SGCD: variants seen among roughly 807,000 people sequenced by gnomAD.
The protein encoded by SGCD is delta-sarcoglycan.
A neutral mutation model predicts 36.6 loss-of-function variants in SGCD; 18 were observed. The observed-to-expected ratio is 0.49, with a 90% CI of 0.34 to 0.73. The LOEUF (loss-of-function observed/expected upper bound fraction) is 0.73, where lower values mean the gene tolerates loss of function less well. SGCD is among the 30% of genes least tolerant of loss of function. SGCD has a pLI of 0.01. For synonymous variants in SGCD, 133 were observed against 130.6 expected, an observed-to-expected ratio of 1.02 and a Z score of -0.12; for missense variants, 387 against 346.7, an observed-to-expected ratio of 1.12 and a Z score of -0.92.
chr5:156,523,852 A>T (rs1757514628), intron 4 of SGCD, among the ~76,000 whole-genome samples: 1 of 151,642 alleles, frequency 6.6e-6, no homozygotes, highest in South Asian at 2.1e-4. Flanking sequence ...AGTACCTTGC[A>T]GGTGCAGTAC....
intron 4 of SGCD, among the ~76,000 whole-genome samples, chr5:156,584,616 G>T (rs1377134832): frequency 1.3e-5 from 2 of 151,738 alleles, no homozygotes; most frequent in Non-Finnish European, 2.9e-5. Context: ...GAGTAATAAT[G>T]TGTGCTCCTG....
intron 3 of SGCD, among the ~76,000 whole-genome samples, chr5:156,297,656 G>T (rs1766931010): frequency 1.7e-5 from 2 of 114,624 alleles, no homozygotes; most frequent in Admixed American, 9.9e-5. Context: ...GGGGAGGGGG[G>T]CGGGATAGCA....
intron 1 of SGCD, among the ~76,000 whole-genome samples, chr5:156,108,018 C>T (rs868327289): frequency 7.9e-5 from 12 of 151,970 alleles, no homozygotes; most frequent in African/African-American, 2.7e-4. Flanking sequence ...ATAATATGGG[C>T]ACCATTTGGA....
rs1757497730 is a variant in SGCD, at chr5:156,761,413, A to T, written c.*2023A>T. 1 of 152,198 alleles carries T rather than the reference A, an allele frequency of 6.6e-6. No individual in the cohort carries two copies. The highest frequency in any genetic ancestry group is 1.5e-5 in the Non-Finnish European group (1 of 68,040). The allele number at this position is 152,198 out of a possible 1,614,324, so 9.4% of individuals were successfully genotyped here. ...TGGTTGGTTTGTAGCACTAAGGTCT[A>T]AAAAGGAAAACCATAAAAGACATCA... is the stretch of plus-strand genomic sequence containing the variant. On this transcript the variant is annotated 3_prime_UTR_variant, in exon 9 of 9. Transcript: ENST00000337851.
intron 1 of SGCD, among the ~76,000 whole-genome samples, chr5:156,087,698 T>C (rs539439717): frequency 3.3e-5 from 5 of 151,092 alleles, no homozygotes; most frequent in Middle Eastern, 7.0e-3. Flanking sequence ...GCTTTATGCA[T>C]GTGGTACATT....
At chr5:156,372,561 T>A (rs1004223015) in intron 3 of SGCD, among the ~76,000 whole-genome samples, 1 of 152,212 alleles carries the variant, frequency 6.6e-6, no homozygotes, top group Non-Finnish European at 1.5e-5. Context: ...TAATCACACT[T>A]AACATTTACT....
rs139532963 is a variant in SGCD at position 156,496,964 on chromosome 5, C to G, written c.193-11637C>G. Among the ~76,000 whole-genome samples, 3 of 152,246 alleles carry G rather than the reference C, an allele frequency of 2.0e-5. No homozygotes were observed. The East Asian group carries it at 5.8e-4, about 29-fold the overall frequency. ...TATATCCCAACTTCTTTTGACTGAGCAGCATGGATTGTCTGATTTAATCCT... is the reference window on the plus strand; with the variant it reads ...TATATCCCAACTTCTTTTGACTGAGGAGCATGGATTGTCTGATTTAATCCT... On this transcript the variant is annotated intron_variant, in intron 3 of 8. Coordinates refer to ENST00000337851, the MANE Select transcript of SGCD (RefSeq NM_000337.6).
intron 1 of SGCD, among the ~76,000 whole-genome samples, chr5:156,101,809 G>A (rs142909273): frequency 1.8e-4 from 27 of 151,960 alleles, no homozygotes; most frequent in Admixed American, 3.3e-4. Flanking sequence ...AAGATCCAAC[G>A]AAAATCTTAG....
At chr5:156,648,236 T>C (rs1025132218) in intron 7 of SGCD, among the ~76,000 whole-genome samples, 1 of 149,382 alleles carries the variant, frequency 6.7e-6, no homozygotes, top group Non-Finnish European at 1.5e-5. Flanking sequence ...TTATTCATCA[T>C]AACTGTGATG....
At chr5:155,782,792 G>T in the SGCD span, among the ~76,000 whole-genome samples, 2 of 152,148 alleles carry the variant, frequency 1.3e-5, no homozygotes, top group Non-Finnish European at 2.9e-5. Flanking sequence ...GACCTAGGTT[G>T]TGTGCTCCTT....
chr5:156,537,422 G>T (rs1050440955), intron 4 of SGCD, among the ~76,000 whole-genome samples: 4 of 146,266 alleles, frequency 2.7e-5, no homozygotes, highest in African/African-American at 5.1e-5. Flanking sequence ...ATTCACTGAA[G>T]CCTGTTCTCA....
At position 156,158,260 on chromosome 5, in the gene SGCD, C is replaced by A. The variant is rs538596358; in HGVS notation, c.-44+34241C>A. On this transcript the variant is annotated intron_variant, in intron 3 of 9. Transcript: ENST00000517913. ...TGAGAATCCTCTTTTCTCTAAACTT[C>A]TGTGAGTTCCCACCAATCCTAGACA... Among the ~76,000 whole-genome samples, 11 of 151,782 alleles carry A rather than the reference C, an allele frequency of 7.2e-5. No homozygotes were observed. In the South Asian group the frequency reaches 2.1e-3, roughly 29 times the overall value.
intron 1 of SGCD, among the ~76,000 whole-genome samples, chr5:156,088,415 G>T (rs957591427): frequency 6.6e-6 from 1 of 152,058 alleles, no homozygotes; most frequent in African/African-American, 2.4e-5. Flanking sequence ...ACTACTTAAG[G>T]TCTTCTGTGA....
intron 3 of SGCD, among the ~76,000 whole-genome samples, chr5:156,210,351 C>T (rs1041909255): frequency 1.6e-4 from 24 of 152,034 alleles, no homozygotes; most frequent in African/African-American, 4.6e-4. Flanking sequence ...TAGAATAAGC[C>T]GCTGCTTTGA....
intron 6 of SGCD, among the ~76,000 whole-genome samples, chr5:156,607,741 C>G (rs534143420): frequency 2.0e-5 from 3 of 152,202 alleles, no homozygotes; most frequent in Non-Finnish European, 4.4e-5. Context: ...TTGGTCTATT[C>G]AGAGATTCAA....
intron 3 of SGCD, among the ~76,000 whole-genome samples, chr5:156,144,778 C>T (rs1762671827): frequency 6.6e-6 from 1 of 152,110 alleles, no homozygotes; most frequent in South Asian, 2.1e-4. Context: ...TAGCCTCATT[C>T]TTTTGGCCAA....
intron 7 of SGCD, among the ~76,000 whole-genome samples, chr5:156,679,669 C>CA (rs1032593893): frequency 1.3e-5 from 2 of 152,132 alleles, no homozygotes; most frequent in African/African-American, 4.8e-5. Flanking sequence ...TTTAAAAAAG[C>CA]AAAACAAGCT....
intron 3 of SGCD, among the ~76,000 whole-genome samples, chr5:156,298,147 G>C (rs1449302741): frequency 3.9e-5 from 6 of 152,036 alleles, no homozygotes; most frequent in African/African-American, 1.4e-4. Flanking sequence ...ACTCTGTTGT[G>C]TATCTGTACC....
chr5:156,629,172 T>A (rs1762539406), intron 6 of SGCD, among the ~76,000 whole-genome samples: 1 of 152,232 alleles, frequency 6.6e-6, no homozygotes, highest in South Asian at 2.1e-4. Flanking sequence ...ATCATTGTTC[T>A]TGTTAGAATC....
Sources: gnomAD v4.1 joint callset for allele counts (sites outside exome capture counted in the v4.1 genomes callset) on GRCh38, gnomAD v4.1.1 for gene constraint, MANE v1.5 for transcripts, NCBI Gene and HGNC (gene_info 2026-07-23, HGNC 2026-07-21) for gene names.